The following BICRAL variants were observed in gnomAD, a reference collection of about 807,000 sequenced individuals.
The protein encoded by BICRAL is BICRA like chromatin remodeling complex associated protein.
Under a neutral mutation model 91.8 loss-of-function variants are expected in BICRAL, and 8 were observed. The observed-to-expected ratio is 0.09, with a 90% CI of 0.05 to 0.16. The LOEUF (loss-of-function observed/expected upper bound fraction) is 0.16. Among genes scored for constraint, BICRAL ranks in the 10% least tolerant of loss-of-function variants. The probability of loss-of-function intolerance (pLI) is 1.00; values close to 1 mark genes in which losing one functional copy is unlikely to be tolerated. For missense variants in BICRAL, 1,038 were observed against 1,310.9 expected, an observed-to-expected ratio of 0.79 and a Z score of 3.21; for synonymous variants, 445 against 491.1, an observed-to-expected ratio of 0.91 and a Z score of 1.24.
At chr6:42,772,328 GAGTT>G (rs1446559109) in intron 1 of BICRAL, among the ~76,000 whole-genome samples, 2 of 152,138 alleles carry the variant, frequency 1.3e-5, no homozygotes, top group Non-Finnish European at 2.9e-5. Flanking sequence ...GAAAGCCACT[GAGTT>G]AGGCGACGGG....
intron 1 of BICRAL, among the ~76,000 whole-genome samples, chr6:42,751,570 T>C (rs1762380985): frequency 1.3e-5 from 2 of 152,030 alleles, no homozygotes; most frequent in East Asian, 3.9e-4. Context: ...CCTTCGGTGT[T>C]CTCTGGAGTT....
intron 1 of BICRAL, among the ~76,000 whole-genome samples, chr6:42,802,439 TG>T: frequency 6.7e-6 from 1 of 149,764 alleles, no homozygotes; most frequent in African/African-American, 2.5e-5. Flanking sequence ...TTGTTGTTGT[TG>T]TTGTTGTTGT....
intron 9 of BICRAL, among the ~76,000 whole-genome samples, chr6:42,856,509 G>C (rs1396103887): frequency 6.6e-6 from 1 of 150,648 alleles, no homozygotes; most frequent in Non-Finnish European, 1.5e-5. Flanking sequence ...GGAATAGCTG[G>C]GATTATAGGC....
At chr6:42,833,001 G>A (rs1192111855) in intron 6 of BICRAL, among the ~76,000 whole-genome samples, 1 of 151,404 alleles carries the variant, frequency 6.6e-6, no homozygotes, top group Non-Finnish European at 1.5e-5. Context: ...TGGTTTTGGT[G>A]TTTTGGTGTT....
chr6:42,847,868 G>A (rs1404818968), intron 6 of BICRAL, among the ~76,000 whole-genome samples: 2 of 151,226 alleles, frequency 1.3e-5, no homozygotes, highest in Admixed American at 6.6e-5. Flanking sequence ...GGTGGCTCAC[G>A]CCTGTAATCC....
chr6:42,781,540 T>G (rs1762904572), upstream of BICRAL, among the ~76,000 whole-genome samples: 1 of 150,810 alleles, frequency 6.6e-6, no homozygotes, highest in South Asian at 2.1e-4. Context: ...AGGGTTTTTT[T>G]TTTTTGTCTT....
At chr6:42,785,169 T>A (rs1199294666) in intron 1 of BICRAL, among the ~76,000 whole-genome samples, 1 of 152,178 alleles carries the variant, frequency 6.6e-6, no homozygotes, top group African/African-American at 2.4e-5. Context: ...CGTTTTTTTT[T>A]AAAGTATGTT....
In BICRAL at chr6:42,857,083, T is replaced by C; in HGVS notation, c.2109-8T>C. The C allele has an allele frequency of 6.2e-7, 1 of 1,606,712 alleles. No individual in the cohort carries two copies. The highest frequency in any genetic ancestry group is 8.5e-7 in the Non-Finnish European group (1 of 1,176,188). The stretch of plus-strand genomic sequence containing the variant: ...TTTACATTGACATTGACCATTTCCC[T>C]TGTAAAGCATTCTCCAGCAGTTGCA... On this transcript the variant is annotated splice_polypyrimidine_tract_variant and splice_region_variant and intron_variant, in intron 9 of 12. Transcript: ENST00000314073.
intron 2 of BICRAL, among the ~76,000 whole-genome samples, chr6:42,811,108 G>T (rs1252565927): frequency 6.6e-6 from 1 of 152,160 alleles, no homozygotes; most frequent in Non-Finnish European, 1.5e-5. Flanking sequence ...TGTAGAAATG[G>T]TGAAAATCAG....
At chr6:42,814,520 T>TA (rs1491538864) in intron 2 of BICRAL, among the ~76,000 whole-genome samples, 4,409 of 39,012 alleles carry the variant, frequency 0.11, 70 homozygotes, top group Non-Finnish European at 0.13. Context: ...TATATATATA[T>TA]TTTTTTTTTT....
chr6:42,864,616 T>C lies in BICRAL; in HGVS notation c.2453-43T>C, dbSNP rs762815914. On this transcript the variant is annotated intron_variant, in intron 12 of 12. Transcript: ENST00000314073. Reference sequence around the variant, plus strand: ...TGAAGTTCTGCTGTATAGTCTGTCCTCTCCCAATCACTCACTAATGTTCTT... The same window carrying C: ...TGAAGTTCTGCTGTATAGTCTGTCCCCTCCCAATCACTCACTAATGTTCTT... 15 of 1,537,490 alleles carry C rather than the reference T, an allele frequency of 9.8e-6. No individual in the cohort carries two copies. The Admixed American group carries it at 1.0e-4, about 11-fold the overall frequency.
intron 6 of BICRAL, among the ~76,000 whole-genome samples, chr6:42,846,552 CA>C (rs951934216): frequency 1.3e-4 from 20 of 152,132 alleles, no homozygotes; most frequent in Non-Finnish European, 2.9e-5. Context: ...TCCCTTACCC[CA>C]GCTTCAAATT....
intron 1 of BICRAL, among the ~76,000 whole-genome samples, chr6:42,803,474 C>G (rs1185733531): frequency 3.3e-5 from 5 of 152,160 alleles, no homozygotes; most frequent in Admixed American, 2.6e-4. Flanking sequence ...AAATCCTGTG[C>G]TGTACCATCG....
At chr6:42,863,158 C>G (rs61439551) in intron 12 of BICRAL, among the ~76,000 whole-genome samples, 245 of 151,604 alleles carry the variant, frequency 1.6e-3, no homozygotes, top group African/African-American at 5.5e-3. Context: ...ACGCCATTCT[C>G]CTGCCTCAGC....
intron 9 of BICRAL, 50 bp from the exon 10 acceptor site, chr6:42,857,041 T>G: frequency 6.7e-7 from 1 of 1,498,042 alleles, no homozygotes; most frequent in African/African-American, 1.4e-5. Context: ...TGACTAGATT[T>G]AATTTCCTAA....
At position 42,864,645 on chromosome 6, in the gene BICRAL, G is replaced by C; in HGVS notation, c.2453-14G>C. The C allele has an allele frequency of 1.2e-6, 2 of 1,605,548 alleles. No individual in the cohort carries two copies. The highest frequency in any genetic ancestry group is 1.7e-6 in the Non-Finnish European group (2 of 1,175,188). ...CCAATCACTCACTAATGTTCTTTTT[G>C]TTCCCATTTCCAGAGGGTTTTCAGG... is the stretch of plus-strand genomic sequence containing the variant. On this transcript the variant is annotated splice_polypyrimidine_tract_variant and intron_variant, in intron 12 of 12. Transcript: ENST00000314073.
At chr6:42,771,411 G>A (rs769987164) in intron 1 of BICRAL, among the ~76,000 whole-genome samples, 11 of 148,884 alleles carry the variant, frequency 7.4e-5, no homozygotes, top group Middle Eastern at 3.5e-3. Context: ...TGTTGTTAGG[G>A]ACCGCCTAGT....
chr6:42,833,231 A>G (rs1483999599), intron 6 of BICRAL, among the ~76,000 whole-genome samples: 1 of 149,420 alleles, frequency 6.7e-6, no homozygotes, highest in East Asian at 2.0e-4. Flanking sequence ...AGTTTTTTGT[A>G]TTTTTAGTAG....
chr6:42,750,201 C>T (rs1023438757), intron 1 of BICRAL, among the ~76,000 whole-genome samples: 1 of 151,362 alleles, frequency 6.6e-6, no homozygotes, highest in East Asian at 2.0e-4. Context: ...CACTCTGTCA[C>T]CTAGGCTAAA....
Sources: allele counts gnomAD v4.1 joint callset (sites outside exome capture counted in the v4.1 genomes callset), GRCh38; gene constraint gnomAD v4.1.1; transcripts MANE v1.5; gene names NCBI Gene and HGNC (gene_info 2026-07-23, HGNC 2026-07-21).